The following SYT9 variants were observed in gnomAD, a reference collection of about 807,000 sequenced individuals.
SYT9 encodes the protein synaptotagmin-9.
SYT9 carries 22 observed loss-of-function variants against 48.4 expected under a neutral mutation model. The observed-to-expected ratio is 0.45, with a 90% confidence interval of 0.32 to 0.65. SYT9 has a LOEUF of 0.65. Ranked by LOEUF, SYT9 falls within the 30% of genes least tolerant of loss-of-function variation. SYT9 has a pLI of 0.03. For missense variants in SYT9, 577 were observed against 622.0 expected (o/e 0.93, Z 0.77); for synonymous variants, 265 against 245.0 (o/e 1.08, Z -0.76).
At chr11:7,414,526 C>T (rs1482233131) in intron 3 of SYT9, among the ~76,000 whole-genome samples, 1 of 152,216 alleles carries the variant, frequency 6.6e-6, no homozygotes, top group African/African-American at 2.4e-5. Context: ...CCAGAGTCTG[C>T]TGTGTGTAAA....
At chr11:7,460,475 T>G (rs1287630831) in intron 6 of SYT9, among the ~76,000 whole-genome samples, 1 of 152,104 alleles carries the variant, frequency 6.6e-6, no homozygotes, top group Non-Finnish European at 1.5e-5. Context: ...TATTAAACAC[T>G]CCAAACATCT....
intron 1 of SYT9, among the ~76,000 whole-genome samples, chr11:7,267,838 G>A (rs1192133442): frequency 6.6e-6 from 1 of 151,706 alleles, no homozygotes; most frequent in African/African-American, 2.4e-5. Context: ...AATAAATATT[G>A]TGCTATTCTG....
At position 7,252,746 on chromosome 11, in the gene SYT9, G is replaced by C. The variant is rs560221302; in HGVS notation, c.145+415G>C. Reference sequence around the variant, plus strand: ...GGAAACTCTGGGAAGTTGGGAGTTGGGGACGGCCCCGGGTTGGGGCCGAAT... The same window carrying C: ...GGAAACTCTGGGAAGTTGGGAGTTGCGGACGGCCCCGGGTTGGGGCCGAAT... On this transcript the variant is annotated intron_variant, in intron 1 of 6. Coordinates refer to ENST00000318881, the MANE Select transcript of SYT9 (RefSeq NM_175733.4). The surrounding 1 kb of genome is among the most constrained non-coding windows in gnomAD (Gnocchi z 6.3). Among the ~76,000 whole-genome samples the C allele has an allele frequency of 1.3e-5, 2 of 152,346 alleles. No homozygotes were observed. Among genetic ancestry groups the C allele is most frequent in the East Asian group, 3.9e-4 (2 of 5,148 alleles).
chr11:7,454,187 C>T, intron 6 of SYT9: 1 of 985,376 alleles, frequency 1.0e-6, no homozygotes, highest in Non-Finnish European at 1.2e-6. Context: ...CCAGAATCAC[C>T]CTTCATTTTA....
intron 3 of SYT9, among the ~76,000 whole-genome samples, chr11:7,335,082 A>G (rs942911684): frequency 6.6e-6 from 1 of 152,300 alleles, no homozygotes; most frequent in Non-Finnish European, 1.5e-5. Flanking sequence ...ATCATTTTAC[A>G]TTTACACCAG....
chr11:7,274,347 T>C (rs1228360747), intron 1 of SYT9, among the ~76,000 whole-genome samples: 2 of 148,944 alleles, frequency 1.3e-5, no homozygotes, highest in Non-Finnish European at 3.0e-5. Flanking sequence ...TGACAGAGTC[T>C]TACTCTGTTG....
intron 3 of SYT9, among the ~76,000 whole-genome samples, chr11:7,400,340 G>T (rs919312181): frequency 1.4e-4 from 22 of 152,220 alleles, no homozygotes; most frequent in African/African-American, 5.1e-4. Flanking sequence ...CATATGTCAA[G>T]TGAGGGAAGA....
chr11:7,318,604 G>A (rs544600477), intron 3 of SYT9, among the ~76,000 whole-genome samples: 130 of 152,278 alleles, frequency 8.5e-4, no homozygotes, highest in African/African-American at 3.1e-3. Flanking sequence ...ATGAGCCACC[G>A]CGCCCAGCCT....
rs11604529 is a variant in SYT9, at chr11:7,354,428, G to A, written c.1044+40487G>A. ...CCAAATCCTGGCAGAACCAACATCT[G>A]TTTTTTTCTCTAGTCTTGTCACCTA... On this transcript the variant is annotated intron_variant, in intron 3 of 6. Transcript: ENST00000318881. Among the ~76,000 whole-genome samples the A allele has an allele frequency of 4.0e-3, 602 of 152,268 alleles. 1 individual carries two copies. The highest frequency in any genetic ancestry group is 7.1e-3 in the Non-Finnish European group (485 of 68,018).
rs142338397 is a variant in SYT9 at position 7,338,158 on chromosome 11, T to C, written c.1044+24217T>C. On this transcript the variant is annotated intron_variant, in intron 3 of 6. Coordinates refer to ENST00000318881, the MANE Select transcript of SYT9 (RefSeq NM_175733.4). The stretch of plus-strand genomic sequence containing the variant: ...TTAAATGTGTGTGCGTAGAGGTGTT[T>C]GTAGTAGTCTCTGATGGTTGTTTGT... Among the ~76,000 whole-genome samples, 1,245 of 152,308 alleles carry C rather than the reference T, an allele frequency of 8.2e-3. 8 individuals are homozygous for C. The highest frequency in any genetic ancestry group is 0.011 in the Non-Finnish European group (760 of 68,020).
intron 3 of SYT9, among the ~76,000 whole-genome samples, chr11:7,318,061 C>A (rs968453209): frequency 6.6e-6 from 1 of 152,160 alleles, no homozygotes. Flanking sequence ...TTGAGTCTTT[C>A]TACACGTGAC....
At chr11:7,395,587 A>T (rs557999636) in intron 3 of SYT9, among the ~76,000 whole-genome samples, 1 of 152,068 alleles carries the variant, frequency 6.6e-6, no homozygotes. Flanking sequence ...CTTTATCATT[A>T]TGTAATGACT....
chr11:7,285,436 A>G (rs140725746), intron 1 of SYT9, among the ~76,000 whole-genome samples: 6 of 152,298 alleles, frequency 3.9e-5, no homozygotes, highest in Non-Finnish European at 8.8e-5. Context: ...TAACTGCCCC[A>G]TAATTCAATT....
chr11:7,402,812 G>A (rs148453124), intron 3 of SYT9, among the ~76,000 whole-genome samples: 6 of 152,188 alleles, frequency 3.9e-5, no homozygotes, highest in Non-Finnish European at 7.4e-5. Context: ...AAGTTATTAA[G>A]TATACACATT....
At chr11:7,397,333 A>G (rs1323162393) in intron 3 of SYT9, among the ~76,000 whole-genome samples, 6 of 152,208 alleles carry the variant, frequency 3.9e-5, no homozygotes, top group Admixed American at 3.9e-4. Flanking sequence ...TGTTGACCAT[A>G]TAAATGAGGG....
chr11:7,388,035 T>A (rs1237691916), intron 3 of SYT9, among the ~76,000 whole-genome samples: 1 of 152,184 alleles, frequency 6.6e-6, no homozygotes, highest in East Asian at 1.9e-4. Context: ...TTGGGGAATA[T>A]TCCCTCCTTG....
Position 7,432,345 on chromosome 11 carries a change from G to A in SYT9, c.1467+11710G>A, listed in dbSNP as rs571805658. On this transcript the variant is annotated intron_variant, in intron 6 of 6. Coordinates refer to ENST00000318881, the MANE Select transcript of SYT9 (RefSeq NM_175733.4). ...GTGGATCAGTTGAGGTCAGGAGTTC[G>A]AGACCAGCCTGGACAACATGGTGAA... Among the ~76,000 whole-genome samples, 45 of 151,938 alleles carry A rather than the reference G, an allele frequency of 3.0e-4. No individual in the cohort carries two copies. The South Asian group carries it at 9.2e-3, about 31-fold the overall frequency.
intron 3 of SYT9, among the ~76,000 whole-genome samples, chr11:7,384,670 T>C (rs925942139): frequency 6.6e-6 from 1 of 152,226 alleles, no homozygotes; most frequent in African/African-American, 2.4e-5. Context: ...TGGGCTATCC[T>C]GTAATAGTGC....
At chr11:7,289,049 A>G (rs1008427952) in intron 1 of SYT9, among the ~76,000 whole-genome samples, 2 of 152,184 alleles carry the variant, frequency 1.3e-5, no homozygotes, top group African/African-American at 4.8e-5. Flanking sequence ...GCAAATTTCC[A>G]TCTAGGGCCA....
Sources: allele counts gnomAD v4.1 joint callset (sites outside exome capture counted in the v4.1 genomes callset), GRCh38; gene constraint gnomAD v4.1.1; non-coding constraint Gnocchi (gnomAD v3.1); transcripts MANE v1.5; gene names NCBI Gene and HGNC (gene_info 2026-07-23, HGNC 2026-07-21).